Variants in TP73 observed in about 807,000 individuals in gnomAD.
TP73 encodes the protein tumor protein p73.
Under a neutral mutation model 62.5 loss-of-function variants are expected in TP73, and 25 were observed. The ratio of observed to expected loss-of-function variants is 0.40; its 90% CI spans 0.29 to 0.56. The LOEUF is 0.56. Ranked by LOEUF, TP73 falls within the 20% of genes least tolerant of loss-of-function variation. The pLI is 0.46. For synonymous variants in TP73, 423 were observed against 377.5 expected (o/e 1.12, Z -1.40); for missense variants, 754 against 913.3 (o/e 0.83, Z 2.25).
At chr1:3,689,646 G>A (rs1645757826) in intron 3 of TP73, among the ~76,000 whole-genome samples, 1 of 152,008 alleles carries the variant, frequency 6.6e-6, no homozygotes, top group African/African-American at 2.4e-5. Context: ...GGGACGACAG[G>A]GAGGAAGGAA....
At chr1:3,719,990 A>G (rs1335011352) in intron 4 of TP73, among the ~76,000 whole-genome samples, 1 of 147,854 alleles carries the variant, frequency 6.8e-6, no homozygotes, top group Non-Finnish European at 1.5e-5. Context: ...ATCTCGGCTC[A>G]CTGCAACCTC....
intron 3 of TP73, among the ~76,000 whole-genome samples, chr1:3,707,240 C>T (rs1431081499): frequency 6.6e-6 from 1 of 152,136 alleles, no homozygotes; most frequent in Non-Finnish European, 1.5e-5. Flanking sequence ...GGCATCAGGG[C>T]CTGGGAGCCT....
Position 3,666,293 on chromosome 1 carries a change from C to T in TP73, c.-34+13652C>T, listed in dbSNP as rs759925330. 3.3e-5 allele frequency among the ~76,000 whole-genome samples: 5 copies of T among 152,168 alleles called. No individual in the cohort carries two copies. The highest frequency in any genetic ancestry group is 1.3e-4 in the Admixed American group (2 of 15,278). ...AGTAGCTGTGACCATAGACACACAC[C>T]ACCACATCCAGTTAATTTAGTTTTG... On this transcript the variant is annotated intron_variant, in intron 1 of 13. Transcript: ENST00000378295. This position sits in a 1 kb window ranked among gnomAD's most constrained non-coding sequence, Gnocchi z 6.4.
intron 1 of TP73, among the ~76,000 whole-genome samples, chr1:3,669,864 G>A (rs1009345): frequency 0.34 from 51,804 of 152,190 alleles, 10,684 homozygotes; most frequent in Non-Finnish European, 0.47. Context: ...GGAGGGCAGA[G>A]TGTGTACGTG....
Position 3,706,407 on chromosome 1 carries a change from C to T in TP73, c.187-1142C>T, listed in dbSNP as rs1404434224. The stretch of plus-strand genomic sequence containing the variant: ...GGGTAATAGGGACAATCACGGTGCC[C>T]GCCGCAGGCCCGGGGAGGGGGGTAA... On this transcript the variant is annotated intron_variant, in intron 3 of 13. Coordinates refer to ENST00000378295, the MANE Select transcript of TP73 (RefSeq NM_005427.4). Among the ~76,000 whole-genome samples the T allele has an allele frequency of 3.5e-5, 5 of 143,604 alleles. 1 individual carries two copies. The highest frequency in any genetic ancestry group is 2.0e-4 in the East Asian group (1 of 4,952). 94.2% of individuals were successfully genotyped at this position (143,604 alleles called of 152,430 possible).
chr1:3,701,238 G>A lies in TP73; in HGVS notation c.187-6311G>A, dbSNP rs552061921. The stretch of plus-strand genomic sequence containing the variant: ...CGAGAGCACCTGCTCTTCCCCATCC[G>A]TCCCTGTGCCCAGGGCTTAGCGACT... On this transcript the variant is annotated intron_variant, in intron 3 of 13. Transcript: ENST00000378295. The surrounding 1 kb of genome is among the most constrained non-coding windows in gnomAD (Gnocchi z 4.7). Among the ~76,000 whole-genome samples the A allele has an allele frequency of 2.0e-5, 3 of 152,030 alleles. No homozygotes were observed. The highest frequency in any genetic ancestry group is 4.4e-5 in the Non-Finnish European group (3 of 67,968).
chr1:3,657,661 G>A (rs1434462253), intron 1 of TP73, among the ~76,000 whole-genome samples: 2 of 152,202 alleles, frequency 1.3e-5, no homozygotes, highest in South Asian at 2.1e-4. Context: ...GGGCCATGGC[G>A]CAAACGGGGA....
intron 10 of TP73, 42 bp downstream of exon 10, chr1:3,729,490 C>G (rs745307139): frequency 6.2e-7 from 1 of 1,611,038 alleles, no homozygotes; most frequent in Non-Finnish European, 8.5e-7. Flanking sequence ...GGAAGGAGGA[C>G]ATGGCTTAAC....
chr1:3,672,665 C>T lies in TP73; in HGVS notation c.-33-9668C>T, dbSNP rs1645268611. Among the ~76,000 whole-genome samples, 1 of 151,968 alleles carries T rather than the reference C, an allele frequency of 6.6e-6. No homozygotes were observed. Among genetic ancestry groups the T allele is most frequent in the African/African-American group, 2.4e-5 (1 of 41,352 alleles). On this transcript the variant is annotated intron_variant, in intron 1 of 13. Coordinates refer to ENST00000378295, the MANE Select transcript of TP73 (RefSeq NM_005427.4). The surrounding 1 kb of genome is among the most constrained non-coding windows in gnomAD (Gnocchi z 5.3). ...TGCCCACTGTGCTGGTCTGAACCTC[C>T]CTTAGTGACAGATCTGCTCCTACCA...
chr1:3,727,052 C>T lies in TP73; in HGVS notation c.733-63C>T, dbSNP rs1450523576. ...GGACCAGACATGGAGCTGGGGGCTGCCACCTTAGTGGATTGGGGCTGCGTG... is the reference window on the plus strand; with the variant it reads ...GGACCAGACATGGAGCTGGGGGCTGTCACCTTAGTGGATTGGGGCTGCGTG... On this transcript the variant is annotated intron_variant, in intron 6 of 13. Coordinates refer to ENST00000378295, the MANE Select transcript of TP73 (RefSeq NM_005427.4). 4.8e-6 allele frequency: 7 copies of T among 1,446,684 alleles called. No homozygotes were observed. The African/African-American group carries it at 9.8e-5, about 20-fold the overall frequency. 89.6% of individuals were successfully genotyped at this position (1,446,684 alleles called of 1,614,324 possible). A position where few individuals can be genotyped will look rare whatever the true frequency, so the allele number is the denominator to read the frequency against.
chr1:3,653,116 G>C (rs1275348775), intron 1 of TP73, among the ~76,000 whole-genome samples: 1 of 152,262 alleles, frequency 6.6e-6, no homozygotes, highest in Non-Finnish European at 1.5e-5. Flanking sequence ...CTTCCCTGAG[G>C]AGCCAGGGCC....
chr1:3,691,085 A>G, intron 3 of TP73: 2 of 1,299,616 alleles, frequency 1.5e-6, no homozygotes, highest in Non-Finnish European at 2.1e-6. Context: ...AGAGGTAGGA[A>G]GGGAGGCGTT....
At position 3,700,909 on chromosome 1, in the gene TP73, G is replaced by T. The variant is rs1044845481; in HGVS notation, c.187-6640G>T. ...AGAACAGAACCCATGCGGCGGGAGG[G>T]TGATGATGGGGCCCAGCTCCCCTCC... On this transcript the variant is annotated intron_variant, in intron 3 of 13. Transcript: ENST00000378295. Among the ~76,000 whole-genome samples the T allele has an allele frequency of 2.6e-5, 4 of 152,340 alleles. No individual in the cohort carries two copies. In the South Asian group the frequency reaches 8.3e-4, roughly 32 times the overall value.
At chr1:3,675,984 A>G (rs1185407400) in intron 1 of TP73, among the ~76,000 whole-genome samples, 1 of 151,622 alleles carries the variant, frequency 6.6e-6, no homozygotes, top group Non-Finnish European at 1.5e-5. Context: ...ATGAGATGGG[A>G]GGGCAGGAAG....
intron 10 of TP73, chr1:3,729,739 C>T (rs1641980997): frequency 4.0e-6 from 3 of 747,018 alleles, no homozygotes; most frequent in Non-Finnish European, 6.8e-6. Context: ...GACCATGACC[C>T]ACCAAGACCA....
chr1:3,680,858 A>T (rs1015504143), intron 1 of TP73, among the ~76,000 whole-genome samples: 1 of 152,236 alleles, frequency 6.6e-6, no homozygotes, highest in Non-Finnish European at 1.5e-5. Context: ...CCACCTGGCC[A>T]CGTGATGGTG....
intron 1 of TP73, among the ~76,000 whole-genome samples, chr1:3,674,899 C>T (rs985911605): frequency 2.0e-5 from 3 of 152,240 alleles, no homozygotes; most frequent in African/African-American, 7.2e-5. Flanking sequence ...GCTGACCGCC[C>T]GACCCCTCTG....
At chr1:3,731,690 G>A (rs34661835) in intron 13 of TP73, 134 bp downstream of exon 13, 68,531 of 793,218 alleles carry the variant, frequency 0.086, 3,613 homozygotes, top group Middle Eastern at 0.15. Context: ...AAGCAGATGC[G>A]ATGATTTGAC....
chr1:3,692,878 C>T (rs1269659456), intron 3 of TP73, among the ~76,000 whole-genome samples: 1 of 152,116 alleles, frequency 6.6e-6, no homozygotes, highest in Non-Finnish European at 1.5e-5. Context: ...GGCCTGCAGA[C>T]CCTCACTGCC....
Sources: gnomAD v4.1 joint callset for allele counts (sites outside exome capture counted in the v4.1 genomes callset) on GRCh38, gnomAD v4.1.1 for gene constraint, Gnocchi (gnomAD v3.1) non-coding constraint, MANE v1.5 for transcripts, NCBI Gene and HGNC (gene_info 2026-07-23, HGNC 2026-07-21) for gene names.